SCN11A: variants seen among roughly 807,000 people sequenced by gnomAD.
SCN11A encodes the protein sodium channel protein type 11 subunit alpha.
A neutral mutation model predicts 162.2 loss-of-function variants in SCN11A; 122 were observed. The observed-to-expected ratio is 0.75, with a 90% CI of 0.65 to 0.87. The LOEUF is 0.87. Among genes scored for constraint, SCN11A ranks in the 40% least tolerant of loss-of-function variants. The probability of loss-of-function intolerance (pLI) is 0.00; values close to 1 mark genes in which losing one functional copy is unlikely to be tolerated. For synonymous variants in SCN11A, 758 were observed against 751.5 expected, an observed-to-expected ratio of 1.01 and a Z score of -0.14; for missense variants, 2,015 against 2,181.6, an observed-to-expected ratio of 0.92 and a Z score of 1.52.
At chr3:38,907,468 T>G (rs2065818815) in intron 14 of SCN11A, among the ~76,000 whole-genome samples, 1 of 151,684 alleles carries the variant, frequency 6.6e-6, no homozygotes. Flanking sequence ...GCATCTTCAT[T>G]GGTTACCTTC....
intron 9 of SCN11A, among the ~76,000 whole-genome samples, chr3:38,922,488 T>G (rs2066069147): frequency 1.3e-5 from 2 of 152,244 alleles, no homozygotes; most frequent in African/African-American, 2.4e-5. Context: ...TCCAGGCATC[T>G]CAGTGCATTT....
At chr3:39,045,870 A>G (rs547826234) in intron 1 of SCN11A, among the ~76,000 whole-genome samples, 5 of 152,370 alleles carry the variant, frequency 3.3e-5, no homozygotes, top group African/African-American at 7.2e-5. Flanking sequence ...TTTGCAGATG[A>G]TATGATCTTA....
chr3:38,993,405 CGTAT>C (rs2030515406), intron 2 of SCN11A, among the ~76,000 whole-genome samples: 2 of 152,202 alleles, frequency 1.3e-5, no homozygotes, highest in African/African-American at 4.8e-5. Flanking sequence ...CAGGTTATGT[CGTAT>C]AGCAGATGTC....
intron 1 of SCN11A, among the ~76,000 whole-genome samples, chr3:39,044,179 T>C (rs2032130153): frequency 6.6e-6 from 1 of 152,074 alleles, no homozygotes; most frequent in African/African-American, 2.4e-5. Context: ...CACCCAGATA[T>C]ATAAAGCAAA....
chr3:39,021,682 A>G (rs181344406), intron 2 of SCN11A, among the ~76,000 whole-genome samples: 1 of 152,298 alleles, frequency 6.6e-6, no homozygotes, highest in African/African-American at 2.4e-5. Context: ...GTTCTTTGCA[A>G]TGGGCCTTTT....
chr3:38,976,723 A>G (rs2125588896), intron 2 of SCN11A, among the ~76,000 whole-genome samples: 1 of 152,158 alleles, frequency 6.6e-6, no homozygotes, highest in East Asian at 1.9e-4. Flanking sequence ...CAGGCATCAT[A>G]TAATCTCATT....
chr3:38,921,281 G>A (rs1309728151), intron 9 of SCN11A, 26 bp from the exon 10 acceptor site: 1 of 1,604,578 alleles, frequency 6.2e-7, no homozygotes, highest in Non-Finnish European at 8.5e-7. Flanking sequence ...GGCTTGGGGA[G>A]AAGCCCATCC....
chr3:38,976,085 A>G (rs1255194854), intron 2 of SCN11A, among the ~76,000 whole-genome samples: 1 of 152,204 alleles, frequency 6.6e-6, no homozygotes. Flanking sequence ...ATAATAAGAT[A>G]GTATAAATAT....
chr3:38,922,343 C>T lies in SCN11A; in HGVS notation c.713-1088G>A, dbSNP rs570351334. On this transcript the variant is annotated intron_variant, in intron 9 of 29. Coordinates refer to ENST00000302328, the MANE Select transcript of SCN11A (RefSeq NM_001349253.2). ...AAACCAGAGGTTACTACAGTGTCAC[C>T]CAAGGCAGATTTTAATCTATAACAA... is the stretch of plus-strand genomic sequence containing the variant. 1.7e-4 allele frequency among the ~76,000 whole-genome samples: 26 copies of T among 152,184 alleles called. No individual in the cohort carries two copies. The South Asian group carries it at 5.2e-3, about 30-fold the overall frequency.
intron 2 of SCN11A, among the ~76,000 whole-genome samples, chr3:39,003,695 T>A (rs57420842): frequency 6.6e-6 from 1 of 152,322 alleles, no homozygotes; most frequent in East Asian, 1.9e-4. Context: ...GCATCTGTTC[T>A]TTTTTTACTT....
chr3:38,876,685 C>A (rs1329965317), intron 23 of SCN11A, among the ~76,000 whole-genome samples: 1 of 151,782 alleles, frequency 6.6e-6, no homozygotes, highest in African/African-American at 2.4e-5. Flanking sequence ...GCAACAATGG[C>A]ACTAATCAAA....
At chr3:38,853,608 A>G (rs975856675) in intron 28 of SCN11A, among the ~76,000 whole-genome samples, 3 of 152,194 alleles carry the variant, frequency 2.0e-5, no homozygotes, top group African/African-American at 4.8e-5. Flanking sequence ...TTTTTGTTCA[A>G]TAAATAATTA....
intron 3 of SCN11A, among the ~76,000 whole-genome samples, chr3:38,959,142 A>G (rs1358019300): frequency 6.6e-6 from 1 of 152,220 alleles, no homozygotes; most frequent in Non-Finnish European, 1.5e-5. Context: ...ACTGAGGTTA[A>G]TAAGAATTAT....
chr3:38,925,334 T>C (rs2066121437), intron 9 of SCN11A, 81 bp downstream of exon 9: 2 of 934,532 alleles, frequency 2.1e-6, no homozygotes, highest in Non-Finnish European at 3.3e-6. Flanking sequence ...TTGGTTTACA[T>C]GATGACATTT....
intron 2 of SCN11A, among the ~76,000 whole-genome samples, chr3:38,961,297 C>G (rs1311715648): frequency 6.6e-6 from 1 of 152,194 alleles, no homozygotes; most frequent in Non-Finnish European, 1.5e-5. Context: ...TCTTTCAAAT[C>G]TTTTTACTGT....
chr3:39,023,552 T>C (rs1211565318), intron 2 of SCN11A, among the ~76,000 whole-genome samples: 1 of 152,098 alleles, frequency 6.6e-6, no homozygotes, highest in African/African-American at 2.4e-5. Context: ...TTAAAAATAA[T>C]ATATGCTTAT....
chr3:39,016,231 T>C (rs1454608980), intron 2 of SCN11A, among the ~76,000 whole-genome samples: 3 of 152,134 alleles, frequency 2.0e-5, no homozygotes, highest in African/African-American at 7.2e-5. Flanking sequence ...AGTACCCCCA[T>C]TGCAGATGGT....
intron 28 of SCN11A, among the ~76,000 whole-genome samples, chr3:38,858,104 C>T (rs1052212310): frequency 3.9e-5 from 6 of 152,010 alleles, no homozygotes; most frequent in African/African-American, 9.7e-5. Context: ...AAAACAACAA[C>T]ATAATTTTAA....
chr3:38,910,240 T>G (rs765050665), intron 11 of SCN11A, 33 bp from the exon 12 acceptor site: 2 of 1,596,918 alleles, frequency 1.3e-6, no homozygotes, highest in East Asian at 2.2e-5. Flanking sequence ...GAAATAATTA[T>G]GTACGCCACA....
Sources: gnomAD v4.1 joint callset for allele counts (sites outside exome capture counted in the v4.1 genomes callset) on GRCh38, gnomAD v4.1.1 for gene constraint, MANE v1.5 for transcripts, NCBI Gene and HGNC (gene_info 2026-07-23, HGNC 2026-07-21) for gene names.